The following KAZN variants were observed in gnomAD, a reference collection of about 807,000 sequenced individuals.
KAZN encodes kazrin.
A neutral mutation model predicts 87.4 loss-of-function variants in KAZN; 40 were observed. The ratio of observed to expected loss-of-function variants is 0.46; its 90% CI spans 0.36 to 0.60. The LOEUF (loss-of-function observed/expected upper bound fraction) is 0.60, where lower values mean the gene tolerates loss of function less well. KAZN is among the 20% of genes least tolerant of loss of function. The pLI is 0.00. For synonymous variants in KAZN, 466 were observed against 458.3 expected (o/e 1.02, Z -0.22); for missense variants, 898 against 1,073.9 (o/e 0.84, Z 2.29).
intron 1 of KAZN, among the ~76,000 whole-genome samples, chr1:14,070,027 A>G (rs1203387230): frequency 6.6e-6 from 1 of 151,830 alleles, no homozygotes; most frequent in East Asian, 1.9e-4. Context: ...AAATTATCCC[A>G]GCGTGGTGGT....
intron 2 of KAZN, among the ~76,000 whole-genome samples, chr1:14,498,285 C>T (rs1245732245): frequency 6.6e-6 from 1 of 152,238 alleles, no homozygotes; most frequent in Non-Finnish European, 1.5e-5. Context: ...CAGGTCGTGT[C>T]CACTCACCAC....
At chr1:14,690,534 G>T (rs1345224497) in intron 1 of KAZN, among the ~76,000 whole-genome samples, 5 of 152,038 alleles carry the variant, frequency 3.3e-5, no homozygotes, top group African/African-American at 1.2e-4. Flanking sequence ...ACAGCAGAGG[G>T]AAGGGTTTTT....
Position 13,921,715 on chromosome 1 carries a change from TC to T in KAZN, c.91+27962del, listed in dbSNP as rs1640074548. Among the ~76,000 whole-genome samples the T allele has an allele frequency of 2.0e-5, 3 of 152,154 alleles. No individual in the cohort carries two copies. In the South Asian group the frequency reaches 6.2e-4, roughly 32 times the overall value. On this transcript the variant is annotated intron_variant, in intron 1 of 16. Coordinates refer to the KAZN transcript ENST00000636203. ...ACCTTGGCTCACTGCAAGCTCCGCC[TC>T]CCGGGTTCATGCCATTCTCCTGCCT...
intron 2 of KAZN, among the ~76,000 whole-genome samples, chr1:14,593,369 G>A (rs971321520): frequency 6.6e-6 from 1 of 152,146 alleles, no homozygotes; most frequent in Non-Finnish European, 1.5e-5. Flanking sequence ...AAGCAGAATG[G>A]GATATAAACC....
At chr1:14,537,733 A>T (rs1672584631) in intron 2 of KAZN, among the ~76,000 whole-genome samples, 1 of 152,166 alleles carries the variant, frequency 6.6e-6, no homozygotes, top group African/African-American at 2.4e-5. Context: ...GATCTCAGTT[A>T]TCAGTTTCCC....
intron 1 of KAZN, among the ~76,000 whole-genome samples, chr1:14,815,360 G>A (rs1268798031): frequency 2.0e-5 from 3 of 152,186 alleles, no homozygotes; most frequent in Non-Finnish European, 4.4e-5. Context: ...TAAGAGTGCT[G>A]AGAAGGTTAA....
intron 1 of KAZN, among the ~76,000 whole-genome samples, chr1:14,601,306 A>G (rs1676955482): frequency 6.6e-6 from 1 of 152,220 alleles, no homozygotes; most frequent in Non-Finnish European, 1.5e-5. Context: ...AACCGTCTAA[A>G]CTGATATGCA....
At chr1:14,496,856 AAAG>A in intron 2 of KAZN, among the ~76,000 whole-genome samples, 1 of 152,310 alleles carries the variant, frequency 6.6e-6, no homozygotes, top group East Asian at 1.9e-4. Flanking sequence ...AGAAAAAAAA[AAAG>A]CTGGAATTCA....
intron 1 of KAZN, among the ~76,000 whole-genome samples, chr1:14,868,261 A>C (rs1651756986): frequency 6.6e-6 from 1 of 152,242 alleles, no homozygotes; most frequent in Admixed American, 6.5e-5. Flanking sequence ...ACGCACAGCC[A>C]GGGCTGCGTC....
chr1:14,020,593 G>A (rs1640778560), intron 1 of KAZN, among the ~76,000 whole-genome samples: 1 of 152,212 alleles, frequency 6.6e-6, no homozygotes, highest in Admixed American at 6.5e-5. Context: ...AATGGAATCT[G>A]AATGTACTGT....
At position 14,184,039 on chromosome 1, in the gene KAZN, A is replaced by G. The variant is rs965364431; in HGVS notation, c.249+3447A>G. On this transcript the variant is annotated intron_variant, in intron 2 of 16. Transcript: ENST00000636203. This position sits in a 1 kb window ranked among gnomAD's most constrained non-coding sequence, Gnocchi z 4.2. ...GTTGGTATACCCTTCCCAGAGGTCC[A>G]TCTCTAGGGATGAAAGTAAACCCTT... Among the ~76,000 whole-genome samples the G allele has an allele frequency of 1.3e-5, 2 of 152,174 alleles. No individual in the cohort carries two copies. The highest frequency in any genetic ancestry group is 4.8e-5 in the African/African-American group (2 of 41,446).
intron 2 of KAZN, among the ~76,000 whole-genome samples, chr1:14,281,874 G>C (rs1652864621): frequency 6.6e-6 from 1 of 152,136 alleles, no homozygotes; most frequent in African/African-American, 2.4e-5. Context: ...GTGACTTACT[G>C]TTCTAATTTG....
chr1:14,182,722 C>T (rs537343951), intron 2 of KAZN, among the ~76,000 whole-genome samples: 14 of 152,208 alleles, frequency 9.2e-5, no homozygotes, highest in African/African-American at 2.6e-4. Context: ...TTGGGCATTT[C>T]GGGGGCTAAT....
At chr1:14,502,965 C>T (rs183012460) in intron 2 of KAZN, among the ~76,000 whole-genome samples, 206 of 152,240 alleles carry the variant, frequency 1.4e-3, no homozygotes, top group African/African-American at 4.3e-3. Flanking sequence ...AATCATTCTT[C>T]TCTCCTGTGC....
intron 1 of KAZN, among the ~76,000 whole-genome samples, chr1:14,142,293 C>G (rs1645257228): frequency 6.6e-6 from 1 of 152,086 alleles, no homozygotes; most frequent in South Asian, 2.1e-4. Flanking sequence ...CTGGTGCATG[C>G]ACAATTAGAA....
At chr1:14,085,475 CTA>C (rs1351767674) in intron 1 of KAZN, among the ~76,000 whole-genome samples, 6 of 152,154 alleles carry the variant, frequency 3.9e-5, no homozygotes, top group Non-Finnish European at 8.8e-5. Context: ...CTTTCTGTCA[CTA>C]TAGTTTTGCT....
intron 1 of KAZN, among the ~76,000 whole-genome samples, chr1:14,617,566 G>T (rs953227003): frequency 6.6e-6 from 1 of 152,180 alleles, no homozygotes; most frequent in African/African-American, 2.4e-5. Context: ...CCTGTAGCTC[G>T]TACCTTATGG....
intron 2 of KAZN, among the ~76,000 whole-genome samples, chr1:14,572,640 G>C (rs184628049): frequency 1.3e-5 from 2 of 152,240 alleles, no homozygotes; most frequent in African/African-American, 4.8e-5. Flanking sequence ...CGGCTCTGTC[G>C]CATTGAGCCT....
intron 2 of KAZN, among the ~76,000 whole-genome samples, chr1:14,331,688 T>C (rs998970724): frequency 2.0e-5 from 3 of 152,152 alleles, no homozygotes; most frequent in African/African-American, 7.2e-5. Flanking sequence ...AAGCACCGTC[T>C]ATCACCCGAA....
Sources: allele counts gnomAD v4.1 joint callset (sites outside exome capture counted in the v4.1 genomes callset), GRCh38; gene constraint gnomAD v4.1.1; non-coding constraint Gnocchi (gnomAD v3.1); transcripts MANE v1.5; gene names NCBI Gene and HGNC (gene_info 2026-07-23, HGNC 2026-07-21).